The following SGCD variants were observed in gnomAD, a reference collection of about 807,000 sequenced individuals.
The protein encoded by SGCD is delta-sarcoglycan.
A neutral mutation model predicts 36.6 loss-of-function variants in SGCD; 18 were observed. That is an observed-to-expected ratio of 0.49 (90% CI 0.34 to 0.73). The LOEUF is 0.73. Ranked by LOEUF, SGCD falls within the 30% of genes least tolerant of loss-of-function variation. The probability of loss-of-function intolerance (pLI) is 0.01; values close to 1 mark genes in which losing one functional copy is unlikely to be tolerated. For missense variants in SGCD, 387 were observed against 346.7 expected, an observed-to-expected ratio of 1.12 and a Z score of -0.92; for synonymous variants, 133 against 130.6, an observed-to-expected ratio of 1.02 and a Z score of -0.12.
At chr5:156,467,104 A>G (rs1754752461) in intron 3 of SGCD, among the ~76,000 whole-genome samples, 2 of 152,172 alleles carry the variant, frequency 1.3e-5, no homozygotes, top group Admixed American at 6.5e-5. Flanking sequence ...ATCCATAGAC[A>G]AAGTGTGAAC....
chr5:156,398,451 A>C (rs1287293961), intron 3 of SGCD, among the ~76,000 whole-genome samples: 1 of 152,214 alleles, frequency 6.6e-6, no homozygotes, highest in Non-Finnish European at 1.5e-5. Context: ...TTTATTACTA[A>C]GATTGTTGGG....
intron 3 of SGCD, among the ~76,000 whole-genome samples, chr5:156,502,034 C>T (rs2127864264): frequency 6.6e-6 from 1 of 150,618 alleles, no homozygotes; most frequent in East Asian, 1.9e-4. Flanking sequence ...GAATGATATT[C>T]TCTCTTTTTT....
chr5:155,761,587 C>CCAT, the SGCD span, among the ~76,000 whole-genome samples: 1 of 119,940 alleles, frequency 8.3e-6, no homozygotes, highest in African/African-American at 3.4e-5. Flanking sequence ...GTCATCCTCT[C>CCAT]CATCATCTCC....
the SGCD span, among the ~76,000 whole-genome samples, chr5:155,798,312 A>G: frequency 6.6e-6 from 1 of 152,228 alleles, no homozygotes; most frequent in Non-Finnish European, 1.5e-5. Flanking sequence ...ATGAAGTGAC[A>G]CCAAGTATTT....
Position 156,352,077 on chromosome 5 carries a change from G to C in SGCD, c.192+7400G>C, listed in dbSNP as rs529036454. 3.0e-4 allele frequency among the ~76,000 whole-genome samples: 46 copies of C among 152,290 alleles called. 1 individual carries two copies. In the Middle Eastern group the frequency reaches 0.01, roughly 34 times the overall value. Reference sequence around the variant, plus strand: ...GTATGAAGTCTCATTCTAATAGAGAGCTGTTACTTTTGCTAGTGCATTCTA... The same window carrying C: ...GTATGAAGTCTCATTCTAATAGAGACCTGTTACTTTTGCTAGTGCATTCTA... On this transcript the variant is annotated intron_variant, in intron 3 of 8. Transcript: ENST00000337851.
chr5:156,324,009 G>A (rs1767742235), upstream of SGCD, among the ~76,000 whole-genome samples: 1 of 152,116 alleles, frequency 6.6e-6, no homozygotes, highest in Admixed American at 6.5e-5. Flanking sequence ...CACTCATATA[G>A]GTGGAAAGAA....
At position 156,705,891 on chromosome 5, in the gene SGCD, C is replaced by T. The variant is rs17053819; in HGVS notation, c.576-51690C>T. 2.5e-3 allele frequency among the ~76,000 whole-genome samples: 387 copies of T among 152,202 alleles called. 4 individuals carry two copies. The highest frequency in any genetic ancestry group is 9.1e-3 in the African/African-American group (376 of 41,514). On this transcript the variant is annotated intron_variant, in intron 7 of 8. Transcript: ENST00000337851. The stretch of plus-strand genomic sequence containing the variant: ...GTAGTGATGTGACTTACATCTTGTC[C>T]TTCGCTACTATTTTGTAGTTTCGTG...
chr5:156,255,679 G>T (rs917617095), intron 3 of SGCD, among the ~76,000 whole-genome samples: 1 of 152,032 alleles, frequency 6.6e-6, no homozygotes, highest in Middle Eastern at 3.2e-3. Flanking sequence ...TTCCTTGAAA[G>T]TTCTATTTTT....
chr5:155,821,579 C>A, the SGCD span, among the ~76,000 whole-genome samples: 1 of 152,162 alleles, frequency 6.6e-6, no homozygotes, highest in Admixed American at 6.5e-5. Context: ...TCCCAAAGTG[C>A]TGGGATTACA....
intron 7 of SGCD, among the ~76,000 whole-genome samples, chr5:156,729,108 C>T (rs555401151): frequency 6.6e-6 from 1 of 152,194 alleles, no homozygotes; most frequent in East Asian, 1.9e-4. Context: ...ATAAATAATC[C>T]TGATAAACAT....
chr5:156,173,503 A>G (rs577273348), intron 3 of SGCD, among the ~76,000 whole-genome samples: 43 of 152,196 alleles, frequency 2.8e-4, no homozygotes, highest in South Asian at 6.2e-4. Flanking sequence ...AAGGAAAATA[A>G]TGATCATTTT....
In SGCD at chr5:155,913,734, C is replaced by CT. The variant is rs201044606; in HGVS notation, c.-282+43315dup. On this transcript the variant is annotated intron_variant, in intron 1 of 9. Coordinates refer to the SGCD transcript ENST00000517913. ...ATTGAATTATATTTGAAGTAGGATT[C>CT]TTTTTAAAAAAAAATAGATCTAAAA... 2.1e-3 allele frequency among the ~76,000 whole-genome samples: 319 copies of CT among 152,130 alleles called. 1 individual carries two copies. Among genetic ancestry groups the CT allele is most frequent in the African/African-American group, 7.2e-3 (300 of 41,522 alleles).
the SGCD span, among the ~76,000 whole-genome samples, chr5:155,766,519 A>G: frequency 1.3e-5 from 2 of 152,162 alleles, no homozygotes; most frequent in Admixed American, 6.5e-5. Context: ...CTTCCTAAGA[A>G]TGATTAGAAA....
intron 4 of SGCD, among the ~76,000 whole-genome samples, chr5:156,561,747 G>T (rs1159713046): frequency 1.3e-5 from 2 of 151,834 alleles, no homozygotes; most frequent in African/African-American, 2.4e-5. Flanking sequence ...ACATAGTTAG[G>T]TTTTTTTTAT....
At chr5:155,795,224 A>G in the SGCD span, among the ~76,000 whole-genome samples, 2 of 152,186 alleles carry the variant, frequency 1.3e-5, no homozygotes, top group Non-Finnish European at 2.9e-5. Context: ...AGGAATAAAT[A>G]GAATGAGAAA....
chr5:156,571,147 G>A (rs1408497412), intron 4 of SGCD, among the ~76,000 whole-genome samples: 1 of 152,174 alleles, frequency 6.6e-6, no homozygotes, highest in African/African-American at 2.4e-5. Flanking sequence ...CAGGGTTCAA[G>A]TGATTCTCCT....
intron 3 of SGCD, among the ~76,000 whole-genome samples, chr5:156,298,961 A>G (rs751971913): frequency 2.6e-5 from 4 of 152,098 alleles, no homozygotes; most frequent in African/African-American, 7.2e-5. Context: ...TTGCACTTGT[A>G]TTTTTGCTGT....
chr5:156,563,445 G>A (rs1272431078), intron 4 of SGCD, among the ~76,000 whole-genome samples: 3 of 152,130 alleles, frequency 2.0e-5, no homozygotes, highest in Non-Finnish European at 4.4e-5. Context: ...GTAGAGCTGG[G>A]AGTCAGATCC....
the SGCD span, among the ~76,000 whole-genome samples, chr5:155,729,853 G>C: frequency 6.6e-6 from 1 of 152,200 alleles, no homozygotes; most frequent in Non-Finnish European, 1.5e-5. Context: ...GCAACTGAGA[G>C]GCCATTCAGC....
Sources: allele counts gnomAD v4.1 joint callset (sites outside exome capture counted in the v4.1 genomes callset), GRCh38; gene constraint gnomAD v4.1.1; transcripts MANE v1.5; gene names NCBI Gene and HGNC (gene_info 2026-07-23, HGNC 2026-07-21).